Variants in SPMIP3 observed in about 807,000 individuals in gnomAD.
SPMIP3 encodes the protein sperm microtubule inner protein 3.
chr1:244,367,833 C>T, the SPMIP3 span, among the ~76,000 whole-genome samples: 1 of 152,194 alleles, frequency 6.6e-6, no homozygotes, highest in African/African-American at 2.4e-5. Context: ...CTCAAACACA[C>T]ACAGAAAGAG....
the SPMIP3 span, among the ~76,000 whole-genome samples, chr1:244,380,063 C>A: frequency 6.6e-6 from 1 of 150,878 alleles, no homozygotes; most frequent in Admixed American, 6.6e-5. Context: ...TGTGTTCCTG[C>A]TGTCATTGGT....
chr1:244,372,965 T>A, the SPMIP3 span, among the ~76,000 whole-genome samples: 26 of 152,236 alleles, frequency 1.7e-4, no homozygotes, highest in African/African-American at 6.0e-4. Context: ...TCCTAAAATA[T>A]CCTCAATCAG....
chr1:244,365,673 T>C, the SPMIP3 span, among the ~76,000 whole-genome samples: 2 of 152,104 alleles, frequency 1.3e-5, no homozygotes, highest in Admixed American at 6.6e-5. Context: ...AGCCTCCACA[T>C]TGGGTTTAGG....
chr1:244,363,568 C>A, the SPMIP3 span, among the ~76,000 whole-genome samples: 2 of 152,068 alleles, frequency 1.3e-5, no homozygotes, highest in Non-Finnish European at 2.9e-5. Context: ...GGGTGGGGCC[C>A]CCAGGAGGCA....
At chr1:244,372,006 A>G in the SPMIP3 span, among the ~76,000 whole-genome samples, 1 of 152,218 alleles carries the variant, frequency 6.6e-6, no homozygotes, top group Non-Finnish European at 1.5e-5. Context: ...GTCTTTGCAC[A>G]GACAGAGACA....
At chr1:244,374,713 C>T in the SPMIP3 span, among the ~76,000 whole-genome samples, 1 of 150,746 alleles carries the variant, frequency 6.6e-6, no homozygotes, top group Non-Finnish European at 1.5e-5. Flanking sequence ...TCTCCTGGCG[C>T]AGCCTTCCCA....
the SPMIP3 span, among the ~76,000 whole-genome samples, chr1:244,366,106 A>G: frequency 1.3e-5 from 2 of 152,270 alleles, no homozygotes; most frequent in Non-Finnish European, 2.9e-5. Context: ...ACACCATGAC[A>G]TGGGGGTCAG....
the SPMIP3 span, among the ~76,000 whole-genome samples, chr1:244,354,240 GATTA>G: frequency 1.3e-5 from 2 of 152,106 alleles, no homozygotes; most frequent in African/African-American, 2.4e-5. Flanking sequence ...TCTCTGGACA[GATTA>G]ATTAATAACT....
At chr1:244,367,917 C>G in the SPMIP3 span, among the ~76,000 whole-genome samples, 1 of 152,186 alleles carries the variant, frequency 6.6e-6, no homozygotes, top group Non-Finnish European at 1.5e-5. Flanking sequence ...CCTCCTCATC[C>G]GGGTTTCAGG....
chr1:244,388,892 T>G, the SPMIP3 span: 1 of 1,306,174 alleles, frequency 7.7e-7, no homozygotes, highest in Non-Finnish European at 1.1e-6. Flanking sequence ...AAGGACAGTG[T>G]GTTAAAAATT....
chr1:244,379,883 G>A, the SPMIP3 span, among the ~76,000 whole-genome samples: 49 of 151,668 alleles, frequency 3.2e-4, no homozygotes, highest in Non-Finnish European at 5.0e-4. Flanking sequence ...CAGGAGAATC[G>A]CTTGAACCTG....
At chr1:244,374,255 G>A in the SPMIP3 span, among the ~76,000 whole-genome samples, 1 of 151,712 alleles carries the variant, frequency 6.6e-6, no homozygotes, top group Non-Finnish European at 1.5e-5. Context: ...CTCTTCTTAC[G>A]TTCACCCCAC....
the SPMIP3 span, among the ~76,000 whole-genome samples, chr1:244,378,822 G>A: frequency 4.0e-5 from 6 of 150,576 alleles, no homozygotes; most frequent in South Asian, 6.4e-4. Context: ...AAGGCTCCCC[G>A]CTACCTAGTT....
At chr1:244,364,875 G>A in the SPMIP3 span, 3 of 1,101,918 alleles carry the variant, frequency 2.7e-6, no homozygotes, top group Non-Finnish European at 4.1e-6. Context: ...GGGAGTTCTA[G>A]GGAAGCTCTT....
At chr1:244,356,248 G>C in the SPMIP3 span, among the ~76,000 whole-genome samples, 1 of 152,184 alleles carries the variant, frequency 6.6e-6, no homozygotes. Flanking sequence ...CATTATGTAC[G>C]ATGCTAGCTG....
the SPMIP3 span, among the ~76,000 whole-genome samples, chr1:244,369,706 TA>T: frequency 6.6e-6 from 1 of 152,188 alleles, no homozygotes; most frequent in Non-Finnish European, 1.5e-5. Context: ...GCCATTTGCA[TA>T]ACGTGAGAAG....
At chr1:244,380,131 T>C in the SPMIP3 span, among the ~76,000 whole-genome samples, 8 of 63,706 alleles carry the variant, frequency 1.3e-4, no homozygotes, top group South Asian at 6.5e-4. Flanking sequence ...TTCTTTTTTT[T>C]TTTTTTTTTT....
chr1:244,382,268 C>A, the SPMIP3 span, among the ~76,000 whole-genome samples: 2 of 151,202 alleles, frequency 1.3e-5, no homozygotes, highest in East Asian at 3.9e-4. Flanking sequence ...GGGAAATAAG[C>A]AGGGAGATGA....
the SPMIP3 span, among the ~76,000 whole-genome samples, chr1:244,365,394 C>T: frequency 6.6e-6 from 1 of 152,130 alleles, no homozygotes; most frequent in Non-Finnish European, 1.5e-5. Flanking sequence ...GAATAAGTCT[C>T]ACGAGATCTG....
Sources: allele counts gnomAD v4.1 joint callset (sites outside exome capture counted in the v4.1 genomes callset), GRCh38; gene constraint gnomAD v4.1.1; transcripts MANE v1.5; gene names NCBI Gene and HGNC (gene_info 2026-07-23, HGNC 2026-07-21).